The following FBXO11 variants were observed in gnomAD, a reference collection of about 807,000 sequenced individuals.
FBXO11 encodes F-box only protein 11.
Under a neutral mutation model 117.0 loss-of-function variants are expected in FBXO11, and 13 were observed. The observed-to-expected ratio is 0.11, with a 90% CI of 0.07 to 0.18. The LOEUF (loss-of-function observed/expected upper bound fraction) is 0.18. Ranked by LOEUF, FBXO11 falls within the 10% of genes least tolerant of loss-of-function variation. FBXO11 has a pLI of 1.00. For missense variants in FBXO11, 767 were observed against 1,164.4 expected (o/e 0.66, Z 4.97); for synonymous variants, 490 against 380.5 (o/e 1.29, Z -3.35).
chr2:47,820,596 G>A (rs1671310303), intron 13 of FBXO11, 140 bp from the exon 14 acceptor site: 1 of 627,856 alleles, frequency 1.6e-6, no homozygotes, highest in Non-Finnish European at 2.8e-6. Context: ...AACTAGAAGT[G>A]TAAATAGATG....
chr2:47,809,742 CTT>C lies in FBXO11; in HGVS notation c.2339-37_2339-36del. 2.9e-6 allele frequency: 4 copies of C among 1,360,922 alleles called. No homozygotes were observed. In the South Asian group the frequency reaches 3.6e-5, roughly 12 times the overall value. 84.3% of individuals were successfully genotyped at this position (1,360,922 alleles called of 1,614,324 possible). On this transcript the variant is annotated intron_variant, in intron 19 of 22. Transcript: ENST00000403359. ...AATTTACAAACAAGTAGATACATCA[CTT>C]TATACTGCTTCTTAAAAACCTGAAA...
intron 1 of FBXO11, among the ~76,000 whole-genome samples, chr2:47,872,127 C>A (rs1402498878): frequency 6.6e-6 from 1 of 152,128 alleles, no homozygotes; most frequent in Non-Finnish European, 1.5e-5. Flanking sequence ...AAGTTTACCT[C>A]AATTCTCTGG....
At chr2:47,813,896 T>C in intron 16 of FBXO11, 29 bp from the exon 17 acceptor site, 1 of 1,490,554 alleles carries the variant, frequency 6.7e-7, no homozygotes, top group Non-Finnish European at 9.4e-7. Flanking sequence ...ATAATACCAT[T>C]TCAATAGCTT....
intron 1 of FBXO11, among the ~76,000 whole-genome samples, chr2:47,864,959 G>T (rs1169188045): frequency 6.6e-6 from 1 of 152,132 alleles, no homozygotes; most frequent in Non-Finnish European, 1.5e-5. Flanking sequence ...TTCATTCTAC[G>T]TGTACAAACA....
chr2:47,868,186 G>C (rs1675338493), intron 1 of FBXO11, among the ~76,000 whole-genome samples: 1 of 151,664 alleles, frequency 6.6e-6, no homozygotes, highest in African/African-American at 2.4e-5. Flanking sequence ...AGGAGGCTGA[G>C]GCAGGAGAAT....
intron 1 of FBXO11, among the ~76,000 whole-genome samples, chr2:47,883,205 T>C: frequency 6.6e-6 from 1 of 152,258 alleles, no homozygotes; most frequent in East Asian, 1.9e-4. Flanking sequence ...CAGCTTCTTT[T>C]TTATTTTGCG....
intron 1 of FBXO11, among the ~76,000 whole-genome samples, chr2:47,896,097 C>G (rs1411717265): frequency 6.6e-6 from 1 of 152,186 alleles, no homozygotes; most frequent in Non-Finnish European, 1.5e-5. Context: ...TTCATACATA[C>G]TCTACTTCTC....
intron 1 of FBXO11, among the ~76,000 whole-genome samples, chr2:47,888,995 T>C (rs1253877953): frequency 6.6e-6 from 1 of 152,234 alleles, no homozygotes; most frequent in Non-Finnish European, 1.5e-5. Context: ...TAGGTAATTA[T>C]ATGAACACAC....
chr2:47,836,365 G>GT (rs1558427477), intron 4 of FBXO11, among the ~76,000 whole-genome samples: 1 of 152,054 alleles, frequency 6.6e-6, no homozygotes, highest in Non-Finnish European at 1.5e-5. Flanking sequence ...TGGAAATTAT[G>GT]TTTTTTTCCT....
At chr2:47,832,904 A>C in intron 8 of FBXO11, 24 bp from the exon 9 acceptor site, 1 of 1,609,500 alleles carries the variant, frequency 6.2e-7, no homozygotes. Context: ...ATTTTGTTTG[A>C]AATAAACAAT....
At chr2:47,845,391 T>C (rs1673327245) in intron 1 of FBXO11, among the ~76,000 whole-genome samples, 1 of 152,224 alleles carries the variant, frequency 6.6e-6, no homozygotes, top group Admixed American at 6.5e-5. Flanking sequence ...ATCACTGTTT[T>C]GAACTCTGCG....
chr2:47,823,496 T>C, intron 11 of FBXO11, 136 bp from the exon 12 acceptor site: 1 of 697,682 alleles, frequency 1.4e-6, no homozygotes, highest in Middle Eastern at 4.0e-4. Context: ...GACTCACGCC[T>C]GTTAATCCCA....
At chr2:47,808,269 A>AT (rs1396470449) in intron 22 of FBXO11, 22 bp from the exon 23 acceptor site, 3 of 1,612,656 alleles carry the variant, frequency 1.9e-6, no homozygotes, top group Non-Finnish European at 2.5e-6. Flanking sequence ...TGAAACCCAA[A>AT]TATTAGAAAA....
intron 1 of FBXO11, among the ~76,000 whole-genome samples, chr2:47,893,591 T>C (rs1434664376): frequency 1.3e-5 from 2 of 152,202 alleles, no homozygotes; most frequent in Non-Finnish European, 2.9e-5. Flanking sequence ...TAATTTCAAA[T>C]TTTATTTAAA....
rs1671514722 is a variant in FBXO11, at chr2:47,823,238, G to C, written c.1521C>G (p.Val507=). 6.2e-7 allele frequency: 1 copy of C among 1,613,776 alleles called. No individual in the cohort carries two copies. The highest frequency in any genetic ancestry group is 1.3e-5 in the African/African-American group (1 of 74,976). ...IHHGQTGGIY[V]HEKGRGQFIE... ...TGAATTGTCCTCTTCCTTTTTCATG[G>C]ACATATATTCCTCCAGTCTGCCCAT... Residue 507 remains valine, a synonymous_variant, in exon 12 of 23, where the codon GTC becomes GTG. Transcript: ENST00000403359.
At chr2:47,885,678 C>T (rs1309554020) in intron 1 of FBXO11, among the ~76,000 whole-genome samples, 1 of 152,116 alleles carries the variant, frequency 6.6e-6, no homozygotes, top group Non-Finnish European at 1.5e-5. Flanking sequence ...AAGATTGTTC[C>T]ACAGGTGGTA....
In FBXO11 at chr2:47,807,904, C is replaced by A. The variant is rs923514601; in HGVS notation, c.*214G>T. 2 of 490,806 alleles carry A rather than the reference C, an allele frequency of 4.1e-6. No homozygotes were observed. The highest frequency in any genetic ancestry group is 3.8e-5 in the African/African-American group (2 of 52,214). 30.4% of individuals were successfully genotyped at this position (490,806 alleles called of 1,614,324 possible). ...ACTTCTGTCCCTTCAAGTCTTTACA[C>A]AGTAATGCTAAAACACCCAGCTTTG... On this transcript the variant is annotated 3_prime_UTR_variant, in exon 23 of 23. Coordinates refer to ENST00000403359, the MANE Select transcript of FBXO11 (RefSeq NM_001190274.2).
intron 1 of FBXO11, among the ~76,000 whole-genome samples, chr2:47,883,069 C>G (rs1415505091): frequency 6.6e-6 from 1 of 152,158 alleles, no homozygotes; most frequent in Non-Finnish European, 1.5e-5. Flanking sequence ...TCTTGTAGAA[C>G]TATTTACAAG....
At chr2:47,823,453 T>C in intron 11 of FBXO11, 93 bp from the exon 12 acceptor site, 1 of 957,942 alleles carries the variant, frequency 1.0e-6, no homozygotes, top group South Asian at 1.7e-5. Context: ...ATCTAAAAAT[T>C]AAGTATTAGA....
Sources: allele counts gnomAD v4.1 joint callset (sites outside exome capture counted in the v4.1 genomes callset), GRCh38; gene constraint gnomAD v4.1.1; transcripts MANE v1.5; gene names NCBI Gene and HGNC (gene_info 2026-07-23, HGNC 2026-07-21).